Variants in MTUS2 observed in about 807,000 individuals in gnomAD.
MTUS2 encodes microtubule associated scaffold protein 2.
Under a neutral mutation model 114.1 loss-of-function variants are expected in MTUS2, and 40 were observed. The observed-to-expected ratio is 0.35, with a 90% CI of 0.27 to 0.46. The LOEUF is 0.46. Ranked by LOEUF, MTUS2 falls within the 20% of genes least tolerant of loss-of-function variation. MTUS2 has a pLI of 1.00. For missense variants in MTUS2, 1,679 were observed against 1,705.4 expected (o/e 0.98, Z 0.27); for synonymous variants, 688 against 672.0 (o/e 1.02, Z -0.37).
At chr13:29,317,407 G>A (rs1218379398) in intron 6 of MTUS2, among the ~76,000 whole-genome samples, 1 of 151,814 alleles carries the variant, frequency 6.6e-6, no homozygotes, top group Non-Finnish European at 1.5e-5. Context: ...TCCTGAGTTC[G>A]CTTGTGCGCG....
At chr13:28,839,175 T>C (rs1288816024) in intron 1 of MTUS2, among the ~76,000 whole-genome samples, 6 of 152,172 alleles carry the variant, frequency 3.9e-5, no homozygotes, top group Non-Finnish European at 8.8e-5. Context: ...CAACTAATCT[T>C]CCTGTTGGAC....
intron 4 of MTUS2, among the ~76,000 whole-genome samples, chr13:29,049,710 C>T (rs373506858): frequency 2.0e-5 from 3 of 152,172 alleles, no homozygotes; most frequent in South Asian, 2.1e-4. Flanking sequence ...GGGAATCCCA[C>T]GTTAGAGCAA....
chr13:29,146,772 T>C (rs1008481265), intron 5 of MTUS2, among the ~76,000 whole-genome samples: 1 of 152,216 alleles, frequency 6.6e-6, no homozygotes, highest in Non-Finnish European at 1.5e-5. Context: ...TAATCCTACA[T>C]AGACCTGAGT....
chr13:29,425,295 C>G (rs1372068606), intron 8 of MTUS2, among the ~76,000 whole-genome samples: 2 of 152,088 alleles, frequency 1.3e-5, no homozygotes, highest in African/African-American at 4.8e-5. Flanking sequence ...CACCTGTAAT[C>G]CCAGCTACTT....
intron 5 of MTUS2, among the ~76,000 whole-genome samples, chr13:29,138,236 A>T (rs1892066809): frequency 6.6e-6 from 1 of 152,022 alleles, no homozygotes; most frequent in Non-Finnish European, 1.5e-5. Flanking sequence ...GACCAAAATT[A>T]ACTACAATTT....
chr13:28,951,422 G>T (rs1882803124), intron 2 of MTUS2, among the ~76,000 whole-genome samples: 1 of 152,050 alleles, frequency 6.6e-6, no homozygotes, highest in Non-Finnish European at 1.5e-5. Flanking sequence ...TTTGCTGTGG[G>T]CTTTTCATAT....
At chr13:29,009,043 A>G (rs1239903529) in intron 2 of MTUS2, among the ~76,000 whole-genome samples, 5 of 150,916 alleles carry the variant, frequency 3.3e-5, no homozygotes. Flanking sequence ...GGGAGTTCTA[A>G]TTTCTGAGAG....
intron 2 of MTUS2, among the ~76,000 whole-genome samples, chr13:28,996,222 C>G (rs975690643): frequency 1.3e-5 from 2 of 152,154 alleles, no homozygotes; most frequent in Admixed American, 1.3e-4. Context: ...GTATGTTGAA[C>G]CAGCCTCGCA....
chr13:29,086,360 T>G (rs899977823), intron 4 of MTUS2, among the ~76,000 whole-genome samples: 3 of 152,336 alleles, frequency 2.0e-5, no homozygotes, highest in African/African-American at 7.2e-5. Flanking sequence ...CCAAGGCCTA[T>G]GTCCAGAATG....
chr13:28,832,009 C>G (rs746878712), intron 1 of MTUS2, among the ~76,000 whole-genome samples: 1 of 151,994 alleles, frequency 6.6e-6, no homozygotes, highest in Non-Finnish European at 1.5e-5. Context: ...GGTGATCTGC[C>G]TGCCTCAGCC....
chr13:29,298,013 T>C (rs1593274703), intron 6 of MTUS2, among the ~76,000 whole-genome samples: 1 of 152,220 alleles, frequency 6.6e-6, no homozygotes, highest in East Asian at 1.9e-4. Flanking sequence ...TGTTCATATG[T>C]CAAATACAAA....
intron 9 of MTUS2, among the ~76,000 whole-genome samples, chr13:29,447,159 C>A (rs1482964437): frequency 1.3e-5 from 2 of 152,064 alleles, no homozygotes; most frequent in Non-Finnish European, 2.9e-5. Flanking sequence ...TGGTGCCAAG[C>A]ATTTCAGATA....
intron 9 of MTUS2, among the ~76,000 whole-genome samples, chr13:29,444,478 C>T (rs989151942): frequency 3.9e-5 from 6 of 152,216 alleles, no homozygotes; most frequent in Non-Finnish European, 7.3e-5. Context: ...TCAGAATCAG[C>T]TTTGTCTGTG....
intron 2 of MTUS2, among the ~76,000 whole-genome samples, chr13:28,939,504 A>G (rs1882105003): frequency 6.6e-6 from 1 of 152,178 alleles, no homozygotes; most frequent in Non-Finnish European, 1.5e-5. Flanking sequence ...AAGTTTGGGT[A>G]ATATTTAAGA....
chr13:28,897,422 G>A (rs1305444366), intron 2 of MTUS2, among the ~76,000 whole-genome samples: 2 of 152,206 alleles, frequency 1.3e-5, no homozygotes, highest in African/African-American at 4.8e-5. Context: ...AGGATGTGGA[G>A]AAATAGGAAC....
intron 2 of MTUS2, among the ~76,000 whole-genome samples, chr13:28,939,152 A>G (rs1469920211): frequency 2.6e-5 from 4 of 152,086 alleles, no homozygotes; most frequent in Admixed American, 2.6e-4. Context: ...GAGCTTTCCT[A>G]GTTCTTAAGC....
intron 4 of MTUS2, among the ~76,000 whole-genome samples, chr13:29,044,548 C>G (rs979715789): frequency 2.0e-5 from 3 of 152,160 alleles, no homozygotes; most frequent in African/African-American, 7.2e-5. Flanking sequence ...TCTTCAGGGA[C>G]TCCAATTACA....
intron 2 of MTUS2, among the ~76,000 whole-genome samples, chr13:28,928,337 A>T (rs1347674346): frequency 6.6e-6 from 1 of 152,208 alleles, no homozygotes; most frequent in East Asian, 1.9e-4. Context: ...ATGGGAGAAA[A>T]TATTTGCAAA....
rs1423136405 is a variant in MTUS2 at position 29,359,376 on chromosome 13, A to C, written c.3020A>C (p.Gln1007Pro). Residue 1007 changes from glutamine (Q) to proline (P), a missense_variant, in exon 8 of 16, where the codon CAG becomes CCG. By Grantham distance (76) the Gln-to-Pro change is moderately conservative. Around this residue, in one of 3 missense-constraint regions of MTUS2, gnomAD observed 822 missense variants for 899.7 expected, o/e 0.91. Coordinates refer to ENST00000612955, the MANE Select transcript of MTUS2 (RefSeq NM_001033602.4). ...LVLRLKERCE[Q>P]QTRQLGVAQG... ...CTGCGGCTGAAGGAGCGGTGTGAGC[A>C]GCAGACCAGACAGCTGGGCGTTGCG... is the stretch of plus-strand genomic sequence containing the variant. 2 of 1,613,520 alleles carry C rather than the reference A, an allele frequency of 1.2e-6. No individual in the cohort carries two copies. Among genetic ancestry groups the C allele is most frequent in the Non-Finnish European group, 1.7e-6 (2 of 1,179,762 alleles).
Sources: gnomAD v4.1 joint callset for allele counts (sites outside exome capture counted in the v4.1 genomes callset) on GRCh38, gnomAD v4.1.1 for gene constraint, gnomAD v4.1.1 regional missense constraint, MANE v1.5 for transcripts, NCBI Gene and HGNC (gene_info 2026-07-23, HGNC 2026-07-21) for gene names.